ITGBL1: variants seen among roughly 807,000 people sequenced by gnomAD.
ITGBL1 encodes integrin subunit beta like 1, also known as integrin beta-like protein 1.
In ITGBL1, 51 loss-of-function variants were observed where a neutral mutation model predicts 68.5. That is an observed-to-expected ratio of 0.74 (90% CI 0.59 to 0.94). ITGBL1 has a LOEUF of 0.94. ITGBL1 is among the 40% of genes least tolerant of loss of function. The pLI, the probability that ITGBL1 is intolerant of heterozygous loss-of-function variation, is 0.00. For synonymous variants in ITGBL1, 209 were observed against 227.3 expected (o/e 0.92, Z 0.72); for missense variants, 649 against 647.4 (o/e 1.00, Z -0.03).
At chr13:101,572,598 A>G (rs974762227) in intron 3 of ITGBL1, among the ~76,000 whole-genome samples, 2 of 152,120 alleles carry the variant, frequency 1.3e-5, no homozygotes, top group African/African-American at 4.8e-5. Context: ...GTGTCATAGC[A>G]TGAGCACAGG....
At chr13:101,553,722 G>A (rs975611420) in intron 2 of ITGBL1, among the ~76,000 whole-genome samples, 11 of 151,612 alleles carry the variant, frequency 7.3e-5, no homozygotes, top group Admixed American at 2.6e-4. Flanking sequence ...ACATTGCCCC[G>A]ATCCCTGCCT....
chr13:101,463,908 T>C (rs1380600904), intron 2 of ITGBL1, among the ~76,000 whole-genome samples: 1 of 125,088 alleles, frequency 8.0e-6, no homozygotes, highest in Non-Finnish European at 1.5e-5. Context: ...TCTAGTTCTT[T>C]TTTTTTTTTT....
intron 7 of ITGBL1, among the ~76,000 whole-genome samples, chr13:101,635,497 A>C (rs2032142212): frequency 6.6e-6 from 1 of 152,006 alleles, no homozygotes; most frequent in Non-Finnish European, 1.5e-5. Context: ...GGTTTAAAAA[A>C]TCAGTCTCAA....
At chr13:101,512,488 G>A (rs1462931806) in intron 2 of ITGBL1, among the ~76,000 whole-genome samples, 1 of 152,176 alleles carries the variant, frequency 6.6e-6, no homozygotes, top group African/African-American at 2.4e-5. Context: ...TTGAGAATTA[G>A]TGAACAAATG....
chr13:101,588,493 G>T (rs572118260), intron 6 of ITGBL1, among the ~76,000 whole-genome samples: 2 of 152,012 alleles, frequency 1.3e-5, no homozygotes, highest in Non-Finnish European at 2.9e-5. Flanking sequence ...AAACCTGCAG[G>T]CTTAACATAC....
At position 101,599,912 on chromosome 13, in the gene ITGBL1, C is replaced by T. The variant is rs1031754528; in HGVS notation, c.1015+1613C>T. On this transcript the variant is annotated intron_variant, in intron 7 of 10. Transcript: ENST00000376180. ...TTCTTTTGGCTTAGGATTGACTTGG[C>T]AATGTGGGCTCTTTTTTGGTTCCAT... Among the ~76,000 whole-genome samples, 6 of 152,208 alleles carry T rather than the reference C, an allele frequency of 3.9e-5. No individual in the cohort carries two copies. The East Asian group carries it at 7.7e-4, about 20-fold the overall frequency.
chr13:101,683,787 T>C (rs947947873), intron 7 of ITGBL1, among the ~76,000 whole-genome samples: 2 of 152,010 alleles, frequency 1.3e-5, no homozygotes, highest in Non-Finnish European at 2.9e-5. Flanking sequence ...AGAATCTTTT[T>C]GTGGTTTTAG....
At chr13:101,536,774 C>A (rs9582504) in intron 2 of ITGBL1, among the ~76,000 whole-genome samples, 5,239 of 151,954 alleles carry the variant, frequency 0.034, 295 homozygotes, top group African/African-American at 0.12. Context: ...GTAAATAATA[C>A]CTTTCAATAC....
chr13:101,713,029 A>G (rs2034547115), intron 9 of ITGBL1: 1 of 152,220 alleles, frequency 6.6e-6, no homozygotes. Context: ...GACTAAATAC[A>G]ATTATGCCAT....
intron 7 of ITGBL1, among the ~76,000 whole-genome samples, chr13:101,690,810 A>G (rs551025120): frequency 2.0e-5 from 3 of 152,328 alleles, no homozygotes; most frequent in South Asian, 4.1e-4. Flanking sequence ...TTTTACCAAA[A>G]AAAATGTGTA....
At chr13:101,499,557 C>T (rs144774155) in intron 2 of ITGBL1, among the ~76,000 whole-genome samples, 1 of 152,290 alleles carries the variant, frequency 6.6e-6, no homozygotes, top group East Asian at 1.9e-4. Context: ...CTATAAAATG[C>T]CCTGACTCAC....
chr13:101,498,783 T>C (rs2048895386), intron 2 of ITGBL1, among the ~76,000 whole-genome samples: 1 of 152,108 alleles, frequency 6.6e-6, no homozygotes, highest in Admixed American at 6.5e-5. Context: ...TGTTAGCCTG[T>C]TTTTAGGCTG....
chr13:101,563,663 T>G (rs1347335674), intron 2 of ITGBL1, among the ~76,000 whole-genome samples: 1 of 151,870 alleles, frequency 6.6e-6, no homozygotes, highest in East Asian at 1.9e-4. Flanking sequence ...TAAACATTTG[T>G]AAAAATGAAT....
Position 101,534,959 on chromosome 13 carries a change from A to G in ITGBL1, c.317-32740A>G, listed in dbSNP as rs145696926. ...GTGCTACAGCAAGGAGAGATGGAGC[A>G]TTTGTCAAAGATGATTGTGACCACC... On this transcript the variant is annotated intron_variant, in intron 2 of 10. Transcript: ENST00000376180. Among the ~76,000 whole-genome samples the G allele has an allele frequency of 3.3e-4, 50 of 152,260 alleles. 2 individuals carry two copies. In the East Asian group the frequency reaches 9.5e-3, roughly 29 times the overall value.
Position 101,583,298 on chromosome 13 carries a change from A to G in ITGBL1, c.810A>G (p.Glu270=), listed in dbSNP as rs1240667357. ...GAGATATTCATGGGGACACCTGTGA[A>G]TGTGATGAGAGGGACTGTAGAGCTG... ...DWGDIHGDTC[E]CDERDCRAVY... The change falls in exon 6 of 11, where the codon GAA becomes GAG. Residue 270 remains glutamate, a synonymous_variant. Coordinates refer to ENST00000376180, the MANE Select transcript of ITGBL1 (RefSeq NM_004791.3). 1.2e-6 allele frequency: 2 copies of G among 1,613,280 alleles called. No individual in the cohort carries two copies. The highest frequency in any genetic ancestry group is 2.2e-5 in the South Asian group (2 of 91,016).
chr13:101,536,987 T>A (rs1453164545), intron 2 of ITGBL1, among the ~76,000 whole-genome samples: 1 of 152,026 alleles, frequency 6.6e-6, no homozygotes. Context: ...TGCTTTTGTC[T>A]GTGATGAAAA....
intron 2 of ITGBL1, among the ~76,000 whole-genome samples, chr13:101,512,230 C>T (rs1315691121): frequency 6.6e-6 from 1 of 151,886 alleles, no homozygotes; most frequent in Admixed American, 6.6e-5. Flanking sequence ...TTCTACTTTG[C>T]CTTTGCTGGG....
intron 2 of ITGBL1, among the ~76,000 whole-genome samples, chr13:101,530,991 GTCTT>G (rs1462963857): frequency 6.6e-6 from 1 of 152,020 alleles, no homozygotes; most frequent in Non-Finnish European, 1.5e-5. Context: ...GAGGTTTCTT[GTCTT>G]TCTTTCTTTG....
intron 6 of ITGBL1, among the ~76,000 whole-genome samples, chr13:101,590,861 T>C (rs1050215912): frequency 6.6e-6 from 1 of 152,204 alleles, no homozygotes; most frequent in Admixed American, 6.5e-5. Context: ...ATGTTTGTCC[T>C]TAACCTTACA....
Sources: allele counts gnomAD v4.1 joint callset (sites outside exome capture counted in the v4.1 genomes callset), GRCh38; gene constraint gnomAD v4.1.1; transcripts MANE v1.5; gene names NCBI Gene and HGNC (gene_info 2026-07-23, HGNC 2026-07-21).